Variants in BTBD8 observed in about 807,000 individuals in gnomAD.
BTBD8 encodes the protein BTB domain containing 8.
A neutral mutation model predicts 162.9 loss-of-function variants in BTBD8; 110 were observed. The observed-to-expected ratio is 0.68, with a 90% CI of 0.58 to 0.79. The LOEUF is 0.79. Among genes scored for constraint, BTBD8 ranks in the 30% least tolerant of loss-of-function variants. BTBD8 has a pLI of 0.00. For synonymous variants in BTBD8, 667 were observed against 716.1 expected, an observed-to-expected ratio of 0.93 and a Z score of 1.10; for missense variants, 1,905 against 2,085.4, an observed-to-expected ratio of 0.91 and a Z score of 1.68.
intron 3 of BTBD8, 58 bp downstream of exon 3, chr1:92,102,727 C>G: frequency 7.6e-7 from 1 of 1,312,724 alleles, no homozygotes; most frequent in Non-Finnish European, 9.9e-7. Context: ...TATTCTGATA[C>G]AGTTAGAGAA....
intron 5 of BTBD8, among the ~76,000 whole-genome samples, chr1:92,130,015 G>A (rs1649472329): frequency 1.3e-5 from 2 of 152,130 alleles, no homozygotes; most frequent in Non-Finnish European, 2.9e-5. Context: ...TAAACAACAG[G>A]TATTTATTTT....
At chr1:92,092,041 G>A (rs190947772) in intron 2 of BTBD8, among the ~76,000 whole-genome samples, 26 of 152,170 alleles carry the variant, frequency 1.7e-4, no homozygotes, top group African/African-American at 6.3e-4. Flanking sequence ...GTGGAGACTG[G>A]GCCTTCAGGA....
At chr1:92,174,741 G>T (rs370440854) in intron 13 of BTBD8, among the ~76,000 whole-genome samples, 1 of 152,106 alleles carries the variant, frequency 6.6e-6, no homozygotes, top group Non-Finnish European at 1.5e-5. Context: ...CAGTCTCTAC[G>T]CTGTGGACAG....
At chr1:92,092,300 G>A (rs553241766) in intron 2 of BTBD8, among the ~76,000 whole-genome samples, 14 of 151,960 alleles carry the variant, frequency 9.2e-5, no homozygotes, top group African/African-American at 3.4e-4. Flanking sequence ...CTACTCAGAA[G>A]GCTGAGGTAG....
Position 92,106,660 on chromosome 1 carries a change from CAAAAAAAAAAA to C in BTBD8, c.545-1205_545-1195del, listed in dbSNP as rs60676530. On this transcript the variant is annotated intron_variant, in intron 3 of 17. Coordinates refer to ENST00000636805, the MANE Select transcript of BTBD8 (RefSeq NM_001376131.1). ...TGGGCGACAGAGTAAGACTCTGTCTCAAAAAAAAAAAAAAAAAAAAAAAAAAAAAGTGTAGT... is the reference window on the plus strand; with the variant it reads ...TGGGCGACAGAGTAAGACTCTGTCTCAAAAAAAAAAAAAAAAAAGTGTAGT... Among the ~76,000 whole-genome samples, 14 of 9,952 alleles carry C rather than the reference CAAAAAAAAAAA, an allele frequency of 1.4e-3. 1 individual carries two copies. The highest frequency in any genetic ancestry group is 4.8e-3 in the African/African-American group (12 of 2,524). 6.5% of individuals were successfully genotyped at this position (9,952 alleles called of 152,430 possible).
At chr1:92,162,663 C>CT (rs924866276) in intron 9 of BTBD8, among the ~76,000 whole-genome samples, 6 of 152,134 alleles carry the variant, frequency 3.9e-5, no homozygotes, top group Non-Finnish European at 7.3e-5. Flanking sequence ...CTAGAAAATA[C>CT]ACCCTTGAAT....
At chr1:92,090,183 G>A (rs1557436358) in intron 2 of BTBD8, among the ~76,000 whole-genome samples, 1 of 152,052 alleles carries the variant, frequency 6.6e-6, no homozygotes, top group Non-Finnish European at 1.5e-5. Flanking sequence ...TTATATATAT[G>A]GTAACTATGT....
At position 92,080,658 on chromosome 1, in the gene BTBD8, G is replaced by A. The variant is rs1647979612; in HGVS notation, c.87G>A (p.Gly29=). 1 of 1,613,644 alleles carries A rather than the reference G, an allele frequency of 6.2e-7. No homozygotes were observed. Among genetic ancestry groups the A allele is most frequent in the Non-Finnish European group, 8.5e-7 (1 of 1,179,812 alleles). ...GCAGTAAGGGGTTGCAAAGGAAGGG[G>A]CCGTGTGAGCGGCGCCGGCTGAAGG... is the stretch of plus-strand genomic sequence containing the variant. ...GVCSKGLQRK[G]PCERRRLKAT... The change falls in exon 1 of 18, where the codon GGG becomes GGA. Residue 29 remains glycine, a synonymous_variant. Transcript: ENST00000636805.
rs1279319613 is a variant in BTBD8 at position 92,161,589 on chromosome 1, C to T, written c.1123-5369C>T. On this transcript the variant is annotated intron_variant, in intron 9 of 17. Coordinates refer to ENST00000636805, the MANE Select transcript of BTBD8 (RefSeq NM_001376131.1). ...TATTAGATAGTTCACTAAGGAAGTA[C>T]AGATACCTCTTAATTTGATGAGCAG... Among the ~76,000 whole-genome samples, 7 of 152,272 alleles carry T rather than the reference C, an allele frequency of 4.6e-5. No homozygotes were observed. In the East Asian group the frequency reaches 1.4e-3, roughly 29 times the overall value.
intron 13 of BTBD8, among the ~76,000 whole-genome samples, chr1:92,172,510 CT>C (rs914360935): frequency 1.5e-4 from 23 of 152,290 alleles, no homozygotes; most frequent in Admixed American, 5.2e-4. Flanking sequence ...ATAAATTTGT[CT>C]TCCCAAAAAT....
At chr1:92,113,341 A>G (rs1648946858) in intron 4 of BTBD8, among the ~76,000 whole-genome samples, 1 of 152,206 alleles carries the variant, frequency 6.6e-6, no homozygotes, top group African/African-American at 2.4e-5. Context: ...AGACACAAAG[A>G]TGGGATTAGA....
intron 6 of BTBD8, among the ~76,000 whole-genome samples, chr1:92,140,722 A>G (rs1324483728): frequency 2.0e-5 from 3 of 152,376 alleles, no homozygotes; most frequent in Admixed American, 6.5e-5. Context: ...CATTTTCAAT[A>G]TGATCAGACA....
Position 92,177,391 on chromosome 1 carries a change from G to A in BTBD8, c.2198G>A (p.Ser733Asn). The A allele has an allele frequency of 6.4e-7, 1 of 1,551,710 alleles. No individual in the cohort carries two copies. Among genetic ancestry groups the A allele is most frequent in the Non-Finnish European group, 8.7e-7 (1 of 1,147,000 alleles). Residue 733 changes from serine to asparagine, a missense_variant, in exon 14 of 18, where the codon AGT (serine) becomes AAT (asparagine). Transcript: ENST00000636805. ...CCCTCCAGCAGATCCACAGATTCAA[G>A]TATGGAATTCTCAATTTCCACTGAA... ...AGPSSRSTDS[S>N]MEFSISTECL...
intron 13 of BTBD8, among the ~76,000 whole-genome samples, chr1:92,174,488 T>C (rs774474099): frequency 9.2e-5 from 14 of 152,280 alleles, no homozygotes; most frequent in South Asian, 8.3e-4. Context: ...ATATACTATA[T>C]AGATTTCACC....
chr1:92,181,033 A>G lies in BTBD8; in HGVS notation c.3350A>G (p.Gln1117Arg), dbSNP rs1178058009. 1 of 1,551,906 alleles carries G rather than the reference A, an allele frequency of 6.4e-7. No individual in the cohort carries two copies. The highest frequency in any genetic ancestry group is 2.0e-5 in the Admixed American group (1 of 51,006). Residue 1117 changes from glutamine to arginine, a missense_variant, in exon 17 of 18, where the codon CAA becomes CGA. Transcript: ENST00000636805. ...GATTTAGACTCAACAAGTGCAGGGC[A>G]AATCCATTTGATATCAGATAGGGAG... ...VCDLDSTSAG[Q>R]IHLISDRENQ...
At chr1:92,155,884 AT>A (rs1308237950) in intron 9 of BTBD8, among the ~76,000 whole-genome samples, 1 of 152,076 alleles carries the variant, frequency 6.6e-6, no homozygotes, top group African/African-American at 2.4e-5. Flanking sequence ...AGCAGGGACA[AT>A]TTTACTTCTT....
intron 17 of BTBD8, among the ~76,000 whole-genome samples, chr1:92,183,608 T>C (rs1650984449): frequency 6.6e-6 from 1 of 152,134 alleles, no homozygotes; most frequent in South Asian, 2.1e-4. Context: ...GTTTTCTGTA[T>C]CACAAGTTTT....
intron 9 of BTBD8, among the ~76,000 whole-genome samples, chr1:92,151,185 T>G (rs1650034814): frequency 6.6e-6 from 1 of 151,850 alleles, no homozygotes; most frequent in African/African-American, 2.4e-5. Context: ...AAACCCCGAA[T>G]CTACTAAAAA....
intron 3 of BTBD8, 112 bp from the exon 4 acceptor site, chr1:92,107,772 A>G (rs778279023): frequency 1.4e-5 from 11 of 794,996 alleles, no homozygotes; most frequent in Middle Eastern, 7.5e-4. Context: ...CCACTTACAT[A>G]TTCCAACTAA....
Sources: allele counts gnomAD v4.1 joint callset (sites outside exome capture counted in the v4.1 genomes callset), GRCh38; gene constraint gnomAD v4.1.1; transcripts MANE v1.5; gene names NCBI Gene and HGNC (gene_info 2026-07-23, HGNC 2026-07-21).